Variants in NR5A2 observed in about 807,000 individuals in gnomAD.
NR5A2 encodes CYP7A promoter-binding factor.
In NR5A2, 26 loss-of-function variants were observed where a neutral mutation model predicts 62.7. That is an observed-to-expected ratio of 0.41 (90% confidence interval 0.30 to 0.58). The LOEUF is 0.58. NR5A2 is among the 20% of genes least tolerant of loss of function. The probability of loss-of-function intolerance (pLI) is 0.22; values close to 1 mark genes in which losing one functional copy is unlikely to be tolerated. For missense variants in NR5A2, 541 were observed against 669.1 expected (o/e 0.81, Z 2.11); for synonymous variants, 246 against 241.7 (o/e 1.02, Z -0.16).
intron 4 of NR5A2, among the ~76,000 whole-genome samples, chr1:200,047,438 T>C (rs779257381): frequency 2.0e-5 from 3 of 152,060 alleles, no homozygotes; most frequent in Non-Finnish European, 2.9e-5. Flanking sequence ...CACAATTTAA[T>C]CCAAAATTGG....
At chr1:200,122,907 C>A (rs1322041384) in intron 7 of NR5A2, among the ~76,000 whole-genome samples, 1 of 152,118 alleles carries the variant, frequency 6.6e-6, no homozygotes, top group African/African-American at 2.4e-5. Flanking sequence ...AGTGGAAAAA[C>A]TTTTTACTCT....
intron 1 of NR5A2, among the ~76,000 whole-genome samples, chr1:200,035,812 AGGAGGTGGAGG>A (rs946722054): frequency 2.6e-5 from 4 of 151,844 alleles, no homozygotes; most frequent in Non-Finnish European, 5.9e-5. Flanking sequence ...GTCGGAAAGA[AGGAGGTGGAGG>A]GGAGGTGGGG....
intron 7 of NR5A2, among the ~76,000 whole-genome samples, chr1:200,170,277 T>C (rs1472332651): frequency 1.3e-5 from 2 of 152,206 alleles, no homozygotes; most frequent in Non-Finnish European, 2.9e-5. Context: ...ACGATTTCAG[T>C]GTTTACATTT....
rs757522943 is a variant in NR5A2, at chr1:200,048,478, G to A, written c.770G>A (p.Gly257Asp). 2 of 1,614,024 alleles carry A rather than the reference G, an allele frequency of 1.2e-6. No individual in the cohort carries two copies. The highest frequency in any genetic ancestry group is 2.7e-5 in the African/African-American group (2 of 74,896). The change falls in exon 5 of 8, where the codon GGT (glycine) becomes GAT (aspartate). Residue 257 changes from glycine to aspartate, a missense_variant. By Grantham distance (94) the Gly-to-Asp change is moderately conservative. This residue lies in a region of NR5A2 where 379 missense variants were observed against 442.0 expected (regional missense o/e 0.86). Coordinates refer to ENST00000367362, the MANE Select transcript of NR5A2 (RefSeq NM_205860.3). The surrounding 1 kb of genome is among the most constrained non-coding windows in gnomAD (Gnocchi z 4.8). ...ATGCCCCCTCACGGCAGCCTGCAAG[G>A]TTACCAAACATATGGCCACTTTCCT... ...MTMPPHGSLQ[G>D]YQTYGHFPSR...
In NR5A2 at chr1:200,042,886, G is replaced by A. The variant is rs1051888189; in HGVS notation, c.203-888G>A. ...GTGGGTCTGCGTCCGGAGCAAGGCG[G>A]TTACCCGATCCCGGCAGTGAGCCGC... On this transcript the variant is annotated intron_variant, in intron 2 of 7. Coordinates refer to ENST00000367362, the MANE Select transcript of NR5A2 (RefSeq NM_205860.3). 13 of 985,396 alleles carry A rather than the reference G, an allele frequency of 1.3e-5. No homozygotes were observed. The African/African-American group carries it at 1.9e-4, about 15-fold the overall frequency. The allele number at this position is 985,396 out of a possible 1,614,324, so 61.0% of individuals were successfully genotyped here. A position where few individuals can be genotyped will look rare whatever the true frequency, so the allele number is the denominator to read the frequency against.
At position 200,147,243 on chromosome 1, in the gene NR5A2, G is replaced by C. The variant is rs1667745544; in HGVS notation, c.1378+26288G>C. ...GAAGCCAGCGAGGCCGCTGCACCAC[G>C]TGGTGTCAGGAGACCTTAGCAATGG... On this transcript the variant is annotated intron_variant, in intron 7 of 7. Transcript: ENST00000367362. The surrounding 1 kb of genome is among the most constrained non-coding windows in gnomAD (Gnocchi z 4.9). Among the ~76,000 whole-genome samples, 1 of 152,234 alleles carries C rather than the reference G, an allele frequency of 6.6e-6. No homozygotes were observed. The highest frequency in any genetic ancestry group is 1.5e-5 in the Non-Finnish European group (1 of 68,046).
intron 5 of NR5A2, among the ~76,000 whole-genome samples, chr1:200,103,315 G>A (rs1034438936): frequency 5.9e-5 from 9 of 151,828 alleles, no homozygotes; most frequent in African/African-American, 1.9e-4. Flanking sequence ...GGTAGAGAGG[G>A]GATTTCACCA....
chr1:200,153,114 G>A (rs1653212092), intron 7 of NR5A2, among the ~76,000 whole-genome samples: 1 of 152,136 alleles, frequency 6.6e-6, no homozygotes, highest in South Asian at 2.1e-4. Context: ...TACTTTCCTG[G>A]CTGGTGTTTT....
chr1:200,067,163 G>C (rs1005539505), intron 5 of NR5A2, among the ~76,000 whole-genome samples: 1 of 152,210 alleles, frequency 6.6e-6, no homozygotes, highest in Non-Finnish European at 1.5e-5. Context: ...AAAAAAGAAC[G>C]AGATCATGTC....
chr1:200,141,095 A>G (rs1308952817), intron 7 of NR5A2, among the ~76,000 whole-genome samples: 1 of 152,156 alleles, frequency 6.6e-6, no homozygotes, highest in Non-Finnish European at 1.5e-5. Context: ...GACTTTACCA[A>G]TTATTCAGTT....
chr1:200,127,220 T>C (rs1309041622), intron 7 of NR5A2, among the ~76,000 whole-genome samples: 1 of 152,200 alleles, frequency 6.6e-6, no homozygotes, highest in Non-Finnish European at 1.5e-5. Context: ...TTCGGAGACA[T>C]TGGATCTCAT....
chr1:200,140,558 C>T (rs1667400543), intron 7 of NR5A2, among the ~76,000 whole-genome samples: 1 of 152,146 alleles, frequency 6.6e-6, no homozygotes, highest in Non-Finnish European at 1.5e-5. Flanking sequence ...CTGTAAGCAG[C>T]AGATGTCTAT....
At chr1:200,133,664 A>G (rs901756761) in intron 7 of NR5A2, among the ~76,000 whole-genome samples, 6 of 150,794 alleles carry the variant, frequency 4.0e-5, no homozygotes, top group African/African-American at 1.2e-4. Context: ...ATATATGGTC[A>G]TATATATGAT....
intron 5 of NR5A2, among the ~76,000 whole-genome samples, chr1:200,080,678 TGTCAAAAACAAA>T (rs1664252173): frequency 6.6e-6 from 1 of 152,248 alleles, no homozygotes; most frequent in Admixed American, 6.5e-5. Context: ...CGAATAGCTT[TGTCAAAAACAAA>T]TTCTTCACCT....
chr1:200,092,019 T>C (rs937545318), intron 5 of NR5A2, among the ~76,000 whole-genome samples: 2 of 152,204 alleles, frequency 1.3e-5, no homozygotes, highest in African/African-American at 2.4e-5. Context: ...CTGTGTATTT[T>C]AACAGGACCC....
At chr1:200,041,547 G>T (rs1043411216) in intron 2 of NR5A2, among the ~76,000 whole-genome samples, 1 of 152,200 alleles carries the variant, frequency 6.6e-6, no homozygotes, top group Admixed American at 6.5e-5. Context: ...TCCCGGGACA[G>T]AGCAGCGCGC....
chr1:200,062,540 T>C (rs1011711303), intron 5 of NR5A2, among the ~76,000 whole-genome samples: 2 of 152,190 alleles, frequency 1.3e-5, no homozygotes, highest in African/African-American at 4.8e-5. Flanking sequence ...TGATATAGAT[T>C]AGTGTTTGTG....
At chr1:200,126,716 C>T (rs1195472973) in intron 7 of NR5A2, among the ~76,000 whole-genome samples, 4 of 148,810 alleles carry the variant, frequency 2.7e-5, no homozygotes, top group Non-Finnish European at 4.4e-5. Context: ...TTAGTACAGA[C>T]GAGGTCTCAC....
At chr1:200,165,764 G>T (rs1314147481) in intron 7 of NR5A2, among the ~76,000 whole-genome samples, 3 of 152,130 alleles carry the variant, frequency 2.0e-5, no homozygotes, top group Non-Finnish European at 4.4e-5. Flanking sequence ...GGACATTTTG[G>T]TTACTTTCAA....
Sources: gnomAD v4.1 joint callset for allele counts (sites outside exome capture counted in the v4.1 genomes callset) on GRCh38, gnomAD v4.1.1 for gene constraint, gnomAD v4.1.1 regional missense constraint, Gnocchi (gnomAD v3.1) non-coding constraint, MANE v1.5 for transcripts, NCBI Gene and HGNC (gene_info 2026-07-23, HGNC 2026-07-21) for gene names.